The following TRPM3 variants were observed in gnomAD, a reference collection of about 807,000 sequenced individuals.
TRPM3 encodes the protein long transient receptor potential channel 3.
TRPM3 carries 77 observed loss-of-function variants against 181.2 expected under a neutral mutation model. The observed-to-expected ratio is 0.42, with a 90% CI of 0.35 to 0.51. The LOEUF (loss-of-function observed/expected upper bound fraction) is 0.51, where lower values mean the gene tolerates loss of function less well. Among genes scored for constraint, TRPM3 ranks in the 20% least tolerant of loss-of-function variants. The pLI is 0.01. For synonymous variants in TRPM3, 745 were observed against 796.4 expected, an observed-to-expected ratio of 0.94 and a Z score of 1.09; for missense variants, 1,759 against 2,196.7, an observed-to-expected ratio of 0.80 and a Z score of 3.98.
intron 6 of TRPM3, among the ~76,000 whole-genome samples, chr9:70,793,863 C>G (rs2086295159): frequency 6.6e-6 from 1 of 152,078 alleles, no homozygotes; most frequent in Admixed American, 6.6e-5. Flanking sequence ...AAATATTCAA[C>G]ACTTTGTTAT....
intron 11 of TRPM3, among the ~76,000 whole-genome samples, chr9:70,637,965 C>T (rs1463895568): frequency 6.6e-6 from 1 of 151,980 alleles, no homozygotes; most frequent in Non-Finnish European, 1.5e-5. Flanking sequence ...GTGTAATGAA[C>T]CTGCACGTTC....
At chr9:71,158,563 G>A (rs1043304756) in intron 1 of TRPM3, among the ~76,000 whole-genome samples, 6 of 152,088 alleles carry the variant, frequency 3.9e-5, no homozygotes, top group Admixed American at 1.3e-4. Context: ...AACTAATATC[G>A]AATAAGCAGT....
At chr9:71,098,534 C>T (rs955782328) in intron 1 of TRPM3, among the ~76,000 whole-genome samples, 5 of 152,082 alleles carry the variant, frequency 3.3e-5, no homozygotes, top group African/African-American at 1.2e-4. Context: ...TGAATGCTCC[C>T]CTATCATCCA....
At position 70,759,249 on chromosome 9, in the gene TRPM3, T is replaced by C. The variant is rs542457613; in HGVS notation, c.1272+2352A>G. ...ATGGAAAAAAGCTCATCATCACTGGTCATTAGAGAAATGCAAATCAAAACT... is the reference window on the plus strand; with the variant it reads ...ATGGAAAAAAGCTCATCATCACTGGCCATTAGAGAAATGCAAATCAAAACT... On this transcript the variant is annotated intron_variant, in intron 8 of 25. Transcript: ENST00000677713. Among the ~76,000 whole-genome samples the C allele has an allele frequency of 2.9e-4, 44 of 152,266 alleles. 1 individual carries two copies. Among genetic ancestry groups the C allele is most frequent in the Admixed American group, 2.5e-3 (38 of 15,282 alleles).
At chr9:71,166,406 T>A (rs767509329) in intron 1 of TRPM3, among the ~76,000 whole-genome samples, 4 of 152,122 alleles carry the variant, frequency 2.6e-5, no homozygotes, top group Non-Finnish European at 5.9e-5. Context: ...GCCTAGTCTC[T>A]CTAAGGGATT....
chr9:70,812,165 A>C (rs2131427361), intron 6 of TRPM3, among the ~76,000 whole-genome samples: 1 of 152,324 alleles, frequency 6.6e-6, no homozygotes, highest in East Asian at 1.9e-4. Flanking sequence ...AGACAGCATT[A>C]AGGGAAGATC....
intron 1 of TRPM3, among the ~76,000 whole-genome samples, chr9:71,247,547 CA>C (rs1463635354): frequency 6.6e-6 from 1 of 151,636 alleles, no homozygotes; most frequent in Non-Finnish European, 1.5e-5. Flanking sequence ...TAAAAAATAC[CA>C]GGGGGGAATT....
intron 18 of TRPM3, among the ~76,000 whole-genome samples, chr9:70,613,648 T>C (rs966997973): frequency 2.6e-5 from 4 of 152,208 alleles, no homozygotes; most frequent in Admixed American, 6.5e-5. Context: ...CCAGGCCACA[T>C]GTCCTTTCCT....
At chr9:71,396,746 A>G (rs1210200115) in intron 1 of TRPM3, among the ~76,000 whole-genome samples, 1 of 151,948 alleles carries the variant, frequency 6.6e-6, no homozygotes, top group Non-Finnish European at 1.5e-5. Flanking sequence ...GCAGACCACA[A>G]GATCAGGAGA....
At chr9:70,901,222 C>G (rs938269177) in intron 1 of TRPM3, among the ~76,000 whole-genome samples, 7 of 152,162 alleles carry the variant, frequency 4.6e-5, no homozygotes, top group Non-Finnish European at 1.5e-5. Context: ...TAAGATAACA[C>G]AAATCAGAGC....
At chr9:70,746,868 C>T (rs1327609545) in intron 8 of TRPM3, among the ~76,000 whole-genome samples, 1 of 152,056 alleles carries the variant, frequency 6.6e-6, no homozygotes, top group Non-Finnish European at 1.5e-5. Flanking sequence ...GCTTCTAGTA[C>T]TTGGTTACAA....
At chr9:70,606,811 T>TAAGA (rs1304121661) in intron 19 of TRPM3, among the ~76,000 whole-genome samples, 1 of 152,082 alleles carries the variant, frequency 6.6e-6, no homozygotes, top group Non-Finnish European at 1.5e-5. Flanking sequence ...TTCCATTAAC[T>TAAGA]AAGATTCATG....
intron 4 of TRPM3, 79 bp from the exon 5 acceptor site, chr9:70,843,206 G>A (rs1208812026): frequency 2.1e-6 from 3 of 1,434,342 alleles, no homozygotes; most frequent in African/African-American, 2.9e-5. Context: ...CTGTGGTAAT[G>A]GTTTCTCCCG....
chr9:70,793,375 G>A (rs989599306), intron 6 of TRPM3, among the ~76,000 whole-genome samples: 2 of 150,648 alleles, frequency 1.3e-5, no homozygotes, highest in Non-Finnish European at 1.5e-5. Flanking sequence ...AGAATCACTT[G>A]AGCCTGGGAA....
chr9:70,585,652 A>G (rs2056976464), intron 22 of TRPM3, among the ~76,000 whole-genome samples: 1 of 151,844 alleles, frequency 6.6e-6, no homozygotes, highest in Non-Finnish European at 1.5e-5. Flanking sequence ...CACTTTTCCC[A>G]CTATCACCCT....
intron 1 of TRPM3, among the ~76,000 whole-genome samples, chr9:71,032,531 T>C (rs1267135030): frequency 6.6e-6 from 1 of 152,028 alleles, no homozygotes; most frequent in Non-Finnish European, 1.5e-5. Flanking sequence ...ACCAATGTAT[T>C]TTGAGGTAGT....
chr9:71,291,797 G>A (rs1401673469), intron 1 of TRPM3, among the ~76,000 whole-genome samples: 5 of 151,990 alleles, frequency 3.3e-5, no homozygotes, highest in Admixed American at 6.6e-5. Context: ...AATTAGAAAC[G>A]ACTTGAGTAA....
intron 1 of TRPM3, among the ~76,000 whole-genome samples, chr9:71,060,411 T>G (rs1157154510): frequency 6.6e-6 from 1 of 152,128 alleles, no homozygotes; most frequent in Admixed American, 6.6e-5. Context: ...CAGATGATGC[T>G]GTAAGATCAA....
chr9:70,751,498 C>T (rs995987574), intron 8 of TRPM3, among the ~76,000 whole-genome samples: 5 of 151,960 alleles, frequency 3.3e-5, no homozygotes, highest in Non-Finnish European at 5.9e-5. Context: ...AAAATTACTT[C>T]TTCAAAAAAT....
Sources: allele counts gnomAD v4.1 joint callset (sites outside exome capture counted in the v4.1 genomes callset), GRCh38; gene constraint gnomAD v4.1.1; transcripts MANE v1.5; gene names NCBI Gene and HGNC (gene_info 2026-07-23, HGNC 2026-07-21).